Variants in ZNF69 observed in about 807,000 individuals in gnomAD.
The protein encoded by ZNF69 is zinc finger protein 69.
In ZNF69, 47 loss-of-function variants were observed where a neutral mutation model predicts 50.9. The observed-to-expected ratio is 0.92, with a 90% CI of 0.73 to 1.18. The LOEUF is 1.18. ZNF69 is among the 50% of genes most tolerant of loss of function. The pLI, the probability that ZNF69 is intolerant of heterozygous loss-of-function variation, is 0.00. For missense variants in ZNF69, 717 were observed against 675.1 expected (o/e 1.06, Z -0.69); for synonymous variants, 216 against 223.1 (o/e 0.97, Z 0.29).
At chr19:11,975,385 GA>G in the ZNF69 span, among the ~76,000 whole-genome samples, 1 of 144,584 alleles carries the variant, frequency 6.9e-6, no homozygotes, top group African/African-American at 2.7e-5. Flanking sequence ...AGATGTTATT[GA>G]TTTTTTTTTT....
At chr19:11,934,801 C>T in the ZNF69 span, among the ~76,000 whole-genome samples, 1 of 148,082 alleles carries the variant, frequency 6.8e-6, no homozygotes, top group Non-Finnish European at 1.5e-5. Flanking sequence ...TGCTGGATTA[C>T]AGGCGTGAGC....
the ZNF69 span, among the ~76,000 whole-genome samples, chr19:11,957,442 T>C: frequency 2.6e-5 from 4 of 151,936 alleles, no homozygotes; most frequent in Admixed American, 2.0e-4. Flanking sequence ...AGCTTGTCAT[T>C]AGGAGAGGTC....
chr19:11,894,430 C>G (rs934334024), intron 1 of ZNF69, among the ~76,000 whole-genome samples: 4 of 152,140 alleles, frequency 2.6e-5, no homozygotes, highest in African/African-American at 9.7e-5. Flanking sequence ...ATGAGATACC[C>G]CACCTGGCCT....
At chr19:11,979,826 T>C in the ZNF69 span, 1 of 1,564,936 alleles carries the variant, frequency 6.4e-7, no homozygotes, top group African/African-American at 1.4e-5. Context: ...AGCCTTCAGA[T>C]CTGCCAAGAA....
chr19:11,887,822 C>G lies in ZNF69; in HGVS notation c.-102C>G. ...ACTGAGGGGGTCGCATTCCTTACCT[C>G]ACCTTTGTCCCTGCGCGGGCTGCGG... On this transcript the variant is annotated 5_prime_UTR_variant, in exon 1 of 4. Transcript: ENST00000429654. 9.8e-7 allele frequency: 1 copy of G among 1,024,030 alleles called. No homozygotes were observed. The highest frequency in any genetic ancestry group is 1.4e-5 in the South Asian group (1 of 72,460). The allele number at this position is 1,024,030 out of a possible 1,614,324, so 63.4% of individuals were successfully genotyped here. A position where few individuals can be genotyped will look rare whatever the true frequency, so the allele number is the denominator to read the frequency against.
At chr19:11,963,399 A>G in the ZNF69 span, among the ~76,000 whole-genome samples, 1 of 152,174 alleles carries the variant, frequency 6.6e-6, no homozygotes, top group African/African-American at 2.4e-5. Flanking sequence ...CCGGCCTCCC[A>G]GGCTGTTGTT....
chr19:11,909,726 C>A (rs1281420121), downstream of ZNF69, among the ~76,000 whole-genome samples: 1 of 152,044 alleles, frequency 6.6e-6, no homozygotes, highest in African/African-American at 2.4e-5. Context: ...ACTGAATGGG[C>A]AAAAACTGGA....
At chr19:11,941,506 G>A in the ZNF69 span, among the ~76,000 whole-genome samples, 3 of 152,204 alleles carry the variant, frequency 2.0e-5, no homozygotes, top group East Asian at 5.8e-4. Flanking sequence ...ACTACTGGGG[G>A]ACCCAGTACA....
chr19:11,905,268 T>G lies in ZNF69; in HGVS notation c.871T>G (p.Tyr291Asp). The G allele has an allele frequency of 1.2e-6, 2 of 1,613,968 alleles. No homozygotes were observed. The highest frequency in any genetic ancestry group is 1.7e-6 in the Non-Finnish European group (2 of 1,179,992). ...GAAAGCATTTCATAGTCCCAGATGC[T>G]ATCGTAGACATGAAAGGATTCACAC... The part of the protein sequence containing the change: ...CGKAFHSPRC[Y>D]RRHERIHTGE... The change falls in exon 4 of 4, where the codon TAT becomes GAT. Residue 291 changes from tyrosine to aspartate, a missense_variant. Tyr to Asp is a radical substitution (Grantham distance 160). Coordinates refer to ENST00000429654, the MANE Select transcript of ZNF69 (RefSeq NM_001364730.1).
chr19:11,904,028 T>C, intron 3 of ZNF69, 63 bp downstream of exon 3: 2 of 1,535,116 alleles, frequency 1.3e-6, no homozygotes, highest in Admixed American at 2.0e-5. Flanking sequence ...TGACAATATA[T>C]TAAAAATAAG....
chr19:11,963,142 T>A, the ZNF69 span, among the ~76,000 whole-genome samples: 2 of 151,320 alleles, frequency 1.3e-5, no homozygotes, highest in Non-Finnish European at 2.9e-5. Context: ...CTTGCTGAAG[T>A]GCAGTAGCCT....
chr19:11,949,952 C>T, the ZNF69 span: 1 of 1,614,148 alleles, frequency 6.2e-7, no homozygotes, highest in Non-Finnish European at 8.5e-7. Context: ...AGGACTCACA[C>T]TGGAGAGAAA....
the ZNF69 span, among the ~76,000 whole-genome samples, chr19:11,928,062 G>T: frequency 6.6e-6 from 1 of 151,778 alleles, no homozygotes; most frequent in African/African-American, 2.4e-5. Context: ...GTGGTGCGAT[G>T]ATGGCTTACT....
chr19:11,938,342 G>A, the ZNF69 span, among the ~76,000 whole-genome samples: 25 of 152,098 alleles, frequency 1.6e-4, no homozygotes, highest in African/African-American at 4.1e-4. Flanking sequence ...CCATTAACTC[G>A]TTATTTACAT....
chr19:11,890,329 C>G (rs1017629526), intron 1 of ZNF69, among the ~76,000 whole-genome samples: 3 of 152,208 alleles, frequency 2.0e-5, no homozygotes, highest in Non-Finnish European at 4.4e-5. Context: ...GTGCACTGTG[C>G]CCCTGGTTAA....
chr19:11,921,176 T>G, the ZNF69 span, among the ~76,000 whole-genome samples: 1 of 149,284 alleles, frequency 6.7e-6, no homozygotes, highest in African/African-American at 2.5e-5. Flanking sequence ...TCTTTTCTCC[T>G]TTTTTTTTTC....
chr19:11,949,553 G>A, the ZNF69 span: 4 of 1,611,114 alleles, frequency 2.5e-6, no homozygotes, highest in Non-Finnish European at 3.4e-6. Flanking sequence ...CCTTATAAAT[G>A]TAGTATATGT....
chr19:11,965,269 G>C, the ZNF69 span: 2 of 1,611,822 alleles, frequency 1.2e-6, no homozygotes, highest in Non-Finnish European at 1.7e-6. Context: ...GAACCGGCCG[G>C]AACCGGCTGC....
the ZNF69 span, among the ~76,000 whole-genome samples, chr19:11,951,913 G>T: frequency 2.0e-5 from 3 of 152,298 alleles, no homozygotes; most frequent in East Asian, 5.8e-4. Context: ...TGTGGCTCAC[G>T]CCTGTAATCA....
Sources: allele counts gnomAD v4.1 joint callset (sites outside exome capture counted in the v4.1 genomes callset), GRCh38; gene constraint gnomAD v4.1.1; transcripts MANE v1.5; gene names NCBI Gene and HGNC (gene_info 2026-07-23, HGNC 2026-07-21).